Variants in TRPC7 observed in about 807,000 individuals in gnomAD.
TRPC7 encodes the protein short transient receptor potential channel 7.
In TRPC7, 42 loss-of-function variants were observed where a neutral mutation model predicts 90.1. The ratio of observed to expected loss-of-function variants is 0.47; its 90% CI spans 0.36 to 0.60. The LOEUF (loss-of-function observed/expected upper bound fraction) is 0.60, where lower values mean the gene tolerates loss of function less well. Ranked by LOEUF, TRPC7 falls within the 20% of genes least tolerant of loss-of-function variation. TRPC7 has a pLI of 0.00. For missense variants in TRPC7, 955 were observed against 1,112.3 expected, an observed-to-expected ratio of 0.86 and a Z score of 2.01; for synonymous variants, 451 against 436.3, an observed-to-expected ratio of 1.03 and a Z score of -0.42.
chr5:136,233,297 T>A (rs1755876238), intron 7 of TRPC7, among the ~76,000 whole-genome samples: 1 of 152,212 alleles, frequency 6.6e-6, no homozygotes, highest in African/African-American at 2.4e-5. Context: ...AACGACAGGG[T>A]ATTAAGCCAT....
rs536196473 is a variant in TRPC7 at position 136,307,507 on chromosome 5, C to T, written c.963+8090G>A. On this transcript the variant is annotated intron_variant, in intron 3 of 11. Transcript: ENST00000513104. ...ACCCCTGGTCTAGAGCAATACAACA[C>T]ATCCTTGGATAACTATAATCCTTGC... 6.6e-5 allele frequency among the ~76,000 whole-genome samples: 10 copies of T among 152,372 alleles called. No homozygotes were observed. The East Asian group carries it at 1.3e-3, about 21-fold the overall frequency.
chr5:136,318,615 A>T (rs1168476911), intron 2 of TRPC7, among the ~76,000 whole-genome samples: 1 of 151,982 alleles, frequency 6.6e-6, no homozygotes, highest in East Asian at 1.9e-4. Context: ...CTGCCCTTTC[A>T]TTTCCTTGAC....
At position 136,247,332 on chromosome 5, in the gene TRPC7, C is replaced by T; in HGVS notation, c.1844+139G>A. On this transcript the variant is annotated intron_variant, in intron 7 of 11. Coordinates refer to ENST00000513104, the MANE Select transcript of TRPC7 (RefSeq NM_020389.3). This position sits in a 1 kb window ranked among gnomAD's most constrained non-coding sequence, Gnocchi z 4.2. ...CAACTCCAGAACCTGAACTCTAAAC[C>T]ACCCTTGAATAAAGTTGCCTTTAAC... 2 of 922,652 alleles carry T rather than the reference C, an allele frequency of 2.2e-6. No individual in the cohort carries two copies. The highest frequency in any genetic ancestry group is 4.0e-5 in the South Asian group (2 of 50,590). The allele number at this position is 922,652 out of a possible 1,614,324, so 57.2% of individuals were successfully genotyped here.
rs535683590 is a variant in TRPC7, at chr5:136,279,104, T to C, written c.964-4267A>G. 1.5e-3 allele frequency among the ~76,000 whole-genome samples: 235 copies of C among 152,276 alleles called. 1 individual carries two copies. The highest frequency in any genetic ancestry group is 5.3e-3 in the African/African-American group (220 of 41,560). On this transcript the variant is annotated intron_variant, in intron 3 of 11. Transcript: ENST00000513104. The stretch of plus-strand genomic sequence containing the variant: ...ATATCAACTCTTACGTTAGGTCTCT[T>C]GTGCCATTGTTCTCAAAGAGAGCTC...
intron 5 of TRPC7, among the ~76,000 whole-genome samples, chr5:136,254,794 G>A (rs1225301495): frequency 6.6e-6 from 1 of 152,078 alleles, no homozygotes; most frequent in African/African-American, 2.4e-5. Flanking sequence ...TGATGGATCT[G>A]GGCAAAGTAA....
At position 136,274,823 on chromosome 5, in the gene TRPC7, A is replaced by C; in HGVS notation, c.978T>G (p.Pro326=). The C allele has an allele frequency of 6.4e-7, 1 of 1,569,414 alleles. No individual in the cohort carries two copies. Among genetic ancestry groups the C allele is most frequent in the East Asian group, 2.4e-5 (1 of 42,488 alleles). Residue 326 remains proline, a synonymous_variant, in exon 4 of 12, where the codon CCT becomes CCG. Coordinates refer to ENST00000513104, the MANE Select transcript of TRPC7 (RefSeq NM_020389.3). ...KYEVKKFVAH[P]NCQQQLLTMW... ...TGGTAAGCAATTGCTGCTGACAGTTAGGATGAGCAACGAACTGTAAAAACA... is the reference window on the plus strand; with the variant it reads ...TGGTAAGCAATTGCTGCTGACAGTTCGGATGAGCAACGAACTGTAAAAACA...
intron 3 of TRPC7, among the ~76,000 whole-genome samples, chr5:136,281,299 A>G (rs1757544747): frequency 6.6e-6 from 1 of 152,168 alleles, no homozygotes. Flanking sequence ...ACATATAGAG[A>G]AGAATAGAAG....
intron 3 of TRPC7, among the ~76,000 whole-genome samples, chr5:136,302,060 A>G (rs1283264472): frequency 7.9e-5 from 12 of 152,154 alleles, no homozygotes; most frequent in African/African-American, 2.4e-4. Flanking sequence ...TTGGTACCAC[A>G]CTTCAATCTC....
intron 7 of TRPC7, among the ~76,000 whole-genome samples, chr5:136,237,354 G>C (rs1756014995): frequency 6.6e-6 from 1 of 152,214 alleles, no homozygotes; most frequent in Non-Finnish European, 1.5e-5. Context: ...TGTACCCCAT[G>C]CAGCCTGGGA....
intron 3 of TRPC7, among the ~76,000 whole-genome samples, chr5:136,314,676 A>C (rs1433991850): frequency 6.6e-6 from 1 of 152,232 alleles, no homozygotes; most frequent in Non-Finnish European, 1.5e-5. Context: ...GACACACACA[A>C]ATTAAGATAA....
intron 2 of TRPC7, among the ~76,000 whole-genome samples, chr5:136,330,618 G>T (rs1287875067): frequency 2.0e-5 from 3 of 152,228 alleles, no homozygotes; most frequent in Admixed American, 2.0e-4. Context: ...AGGGCCTCTT[G>T]TTAAAAGGCA....
intron 8 of TRPC7, among the ~76,000 whole-genome samples, chr5:136,228,382 G>C (rs1374534868): frequency 2.6e-5 from 4 of 152,002 alleles, no homozygotes; most frequent in Non-Finnish European, 5.9e-5. Flanking sequence ...TAAGGAGCAG[G>C]GGAGAAAGGT....
intron 3 of TRPC7, among the ~76,000 whole-genome samples, chr5:136,286,257 A>C (rs556635419): frequency 6.6e-6 from 1 of 152,290 alleles, no homozygotes; most frequent in East Asian, 1.9e-4. Flanking sequence ...CCCATCCCAC[A>C]TGCTCTGGAA....
At chr5:136,303,356 A>T (rs1671021173) in intron 3 of TRPC7, among the ~76,000 whole-genome samples, 1 of 152,110 alleles carries the variant, frequency 6.6e-6, no homozygotes, top group Admixed American at 6.5e-5. Flanking sequence ...AAACTCCAAA[A>T]ATTAAATTCC....
intron 3 of TRPC7, among the ~76,000 whole-genome samples, chr5:136,304,504 A>G (rs1162992618): frequency 1.3e-5 from 2 of 152,150 alleles, no homozygotes; most frequent in Non-Finnish European, 2.9e-5. Context: ...CCAAACCCAT[A>G]TACTCTGCTA....
At chr5:136,311,641 G>C (rs1275100761) in intron 3 of TRPC7, among the ~76,000 whole-genome samples, 1 of 152,242 alleles carries the variant, frequency 6.6e-6, no homozygotes, top group Admixed American at 6.5e-5. Flanking sequence ...TGGCTCTGCA[G>C]GGGAAGGCCA....
At chr5:136,249,790 A>G (rs1466932978) in intron 6 of TRPC7, among the ~76,000 whole-genome samples, 1 of 152,220 alleles carries the variant, frequency 6.6e-6, no homozygotes, top group African/African-American at 2.4e-5. Context: ...CCCTATCACA[A>G]CCTGAAAAAT....
intron 3 of TRPC7, among the ~76,000 whole-genome samples, chr5:136,278,021 A>G (rs1218765528): frequency 6.6e-6 from 1 of 152,210 alleles, no homozygotes; most frequent in Non-Finnish European, 1.5e-5. Context: ...AAATCAAACT[A>G]CATCTGTAAC....
intron 7 of TRPC7, among the ~76,000 whole-genome samples, chr5:136,242,459 A>G (rs1756203189): frequency 6.6e-6 from 1 of 152,198 alleles, no homozygotes; most frequent in South Asian, 2.1e-4. Flanking sequence ...CTTGGTTCTG[A>G]AGAGGAAGGA....
Sources: allele counts gnomAD v4.1 joint callset (sites outside exome capture counted in the v4.1 genomes callset), GRCh38; gene constraint gnomAD v4.1.1; non-coding constraint Gnocchi (gnomAD v3.1); transcripts MANE v1.5; gene names NCBI Gene and HGNC (gene_info 2026-07-23, HGNC 2026-07-21).